The following SPATA33 variants were observed in gnomAD, a reference collection of about 807,000 sequenced individuals.
The protein encoded by SPATA33 is spermatogenesis-associated protein 33.
Under a neutral mutation model 8.9 loss-of-function variants are expected in SPATA33, and 10 were observed. That is an observed-to-expected ratio of 1.12 (90% CI 0.69 to 1.90). The LOEUF (loss-of-function observed/expected upper bound fraction) is 1.90. SPATA33 is among the 40% of genes most tolerant of loss of function. SPATA33 has a pLI of 0.00. For synonymous variants in SPATA33, 96 were observed against 72.8 expected, an observed-to-expected ratio of 1.32 and a Z score of -1.63; for missense variants, 241 against 178.3, an observed-to-expected ratio of 1.35 and a Z score of -2.00.
At position 89,662,429 on chromosome 16, in the gene SPATA33, T is replaced by C. The variant is rs545364802; in HGVS notation, c.211+4008T>C. Among the ~76,000 whole-genome samples, 7 of 152,228 alleles carry C rather than the reference T, an allele frequency of 4.6e-5. No individual in the cohort carries two copies. The East Asian group carries it at 1.3e-3, about 29-fold the overall frequency. On this transcript the variant is annotated intron_variant, in intron 2 of 2. Coordinates refer to ENST00000579310, the MANE Select transcript of SPATA33 (RefSeq NM_001271907.2). ...TTGTGTGTTTGAACACTTTTTTTTT[T>C]TTTTGAAATGGAGTTTCCTTCTTGT...
chr16:89,658,551 G>C (rs896312135), intron 2 of SPATA33, 130 bp downstream of exon 2: 1 of 1,264,352 alleles, frequency 7.9e-7, no homozygotes, highest in Non-Finnish European at 1.1e-6. Context: ...GATGAAACTG[G>C]TTTGTTTTGG....
Position 89,658,366 on chromosome 16 carries a change from C to T in SPATA33, c.156C>T (p.Ser52=), listed in dbSNP as rs376678000. The change falls in exon 2 of 3, where the codon AGC becomes AGT. Residue 52 remains serine, a synonymous_variant. Coordinates refer to ENST00000579310, the MANE Select transcript of SPATA33 (RefSeq NM_001271907.2). ...ADRESEKPVD[S]LHPGAGTAKH... is the part of the protein sequence containing the mutation. ...GGGAGTCGGAGAAGCCTGTGGACAG[C>T]CTCCACCCGGGGGCCGGGACAGCCA... is the stretch of plus-strand genomic sequence containing the variant. The T allele has an allele frequency of 4.9e-5, 79 of 1,613,306 alleles. No individual in the cohort carries two copies. Among genetic ancestry groups the T allele is most frequent in the Non-Finnish European group, 6.5e-5 (77 of 1,179,990 alleles).
intron 2 of SPATA33, 101 bp from the exon 3 acceptor site, chr16:89,669,185 T>C: frequency 9.1e-7 from 1 of 1,101,514 alleles, no homozygotes; most frequent in Non-Finnish European, 1.4e-6. Context: ...CTGCTAACCA[T>C]ACATCTTAAT....
rs752263549 is a variant in SPATA33, at chr16:89,658,327, C to T, written c.117C>T (p.Ala39=). The T allele has an allele frequency of 6.2e-7, 1 of 1,614,066 alleles. No individual in the cohort carries two copies. Among genetic ancestry groups the T allele is most frequent in the Non-Finnish European group, 8.5e-7 (1 of 1,180,036 alleles). The change falls in exon 2 of 3, where the codon GCC becomes GCT. Residue 39 remains alanine (A), a synonymous_variant. Transcript: ENST00000579310. ...EKLMEKHSQE[A]RQADRESEKP... is the part of the protein sequence containing the mutation. ...TGATGGAGAAGCATTCCCAGGAAGCCAGGCAGGCAGACAGGGAGTCGGAGA... is the reference window on the plus strand; with the variant it reads ...TGATGGAGAAGCATTCCCAGGAAGCTAGGCAGGCAGACAGGGAGTCGGAGA...
intron 2 of SPATA33, among the ~76,000 whole-genome samples, chr16:89,665,155 C>T (rs1033769618): frequency 6.6e-6 from 1 of 152,098 alleles, no homozygotes; most frequent in African/African-American, 2.4e-5. Flanking sequence ...CCACCACCCC[C>T]AGCTATTTTT....
chr16:89,668,506 G>T (rs1476257282), intron 2 of SPATA33, among the ~76,000 whole-genome samples: 1 of 152,164 alleles, frequency 6.6e-6, no homozygotes, highest in East Asian at 1.9e-4. Flanking sequence ...GAGAGAGCCA[G>T]CTCCATCCTG....
Position 89,669,575 on chromosome 16 carries a change from G to GC in SPATA33, c.*78_*79insC, listed in dbSNP as rs1389281477. 19 of 1,454,644 alleles carry GC rather than the reference G, an allele frequency of 1.3e-5. No homozygotes were observed. In the East Asian group the frequency reaches 4.3e-4, roughly 33 times the overall value. 90.1% of individuals were successfully genotyped at this position (1,454,644 alleles called of 1,614,324 possible). A position where few individuals can be genotyped will look rare whatever the true frequency, so the allele number is the denominator to read the frequency against. On this transcript the variant is annotated 3_prime_UTR_variant, in exon 3 of 3. Transcript: ENST00000579310. The stretch of plus-strand genomic sequence containing the variant: ...CAGCCGCCTCACCCTGTGAGAAGCC[G>GC]AGGCCCCTTCTCCAGTGCTCTCGGG...
rs556607632 is a variant in SPATA33, at chr16:89,666,806, CTGCCTGGCAGCCAAGGCA to C, written c.212-2479_212-2462del. ...TGTCCACTGGACAGGGGGCCCTTCC[CTGCCTGGCAGCCAAGGCA>C]GAGAGAGAGGAGACAGAGAGACAGC... On this transcript the variant is annotated intron_variant, in intron 2 of 2. Coordinates refer to ENST00000579310, the MANE Select transcript of SPATA33 (RefSeq NM_001271907.2). 1.2e-4 allele frequency among the ~76,000 whole-genome samples: 19 copies of C among 152,336 alleles called. No homozygotes were observed. In the South Asian group the frequency reaches 3.9e-3, roughly 32 times the overall value.
At chr16:89,658,024 G>A (rs757822051) in intron 1 of SPATA33, 76 bp downstream of exon 1, 1 of 1,473,664 alleles carries the variant, frequency 6.8e-7, no homozygotes, top group African/African-American at 1.4e-5. Flanking sequence ...TGGGCTGGGC[G>A]GGGCGGTGTG....
chr16:89,667,453 A>G (rs980535311), intron 2 of SPATA33, among the ~76,000 whole-genome samples: 2 of 152,066 alleles, frequency 1.3e-5, no homozygotes, highest in South Asian at 2.1e-4. Context: ...TTCTTATTTT[A>G]TATATTTTAT....
chr16:89,664,353 C>CCT (rs10665200), intron 2 of SPATA33, among the ~76,000 whole-genome samples: 1 of 152,114 alleles, frequency 6.6e-6, no homozygotes, highest in Non-Finnish European at 1.5e-5. Context: ...TGGCAGGACT[C>CCT]AAGACAGCCC....
rs2060067160 is a variant in SPATA33, at chr16:89,669,353, A to C, written c.279A>C (p.Arg93=). Reference sequence around the variant, plus strand: ...TCGTTCCACAGATCATCATCACGCGAGCGTCGAATGAGACGCTAGTCAGTT... The same window carrying C: ...TCGTTCCACAGATCATCATCACGCGCGCGTCGAATGAGACGCTAGTCAGTT... ...KVVVPQIIIT[R]ASNETLVSCS... is the part of the protein sequence containing the mutation. The change falls in exon 3 of 3, where the codon CGA becomes CGC. Residue 93 remains arginine (R), a synonymous_variant. Transcript: ENST00000579310. The C allele has an allele frequency of 6.2e-7, 1 of 1,614,070 alleles. No individual in the cohort carries two copies. Among genetic ancestry groups the C allele is most frequent in the African/African-American group, 1.3e-5 (1 of 74,916 alleles).
At chr16:89,668,677 G>A (rs917206205) in intron 2 of SPATA33, among the ~76,000 whole-genome samples, 4 of 151,890 alleles carry the variant, frequency 2.6e-5, no homozygotes, top group East Asian at 1.9e-4. Flanking sequence ...GGGGGTGGGC[G>A]GCTGTGCCCG....
At chr16:89,667,249 A>T (rs148855233) in intron 2 of SPATA33, among the ~76,000 whole-genome samples, 1 of 152,134 alleles carries the variant, frequency 6.6e-6, no homozygotes, top group Non-Finnish European at 1.5e-5. Context: ...GGGCATAACA[A>T]AAGGCTCACA....
chr16:89,669,480 T>C lies in SPATA33; in HGVS notation c.406T>C (p.Ser136Pro), dbSNP rs759932985. The C allele has an allele frequency of 1.2e-6, 2 of 1,612,632 alleles. No homozygotes were observed. The highest frequency in any genetic ancestry group is 1.1e-5 in the South Asian group (1 of 91,010). Residue 136 changes from serine (S) to proline (P), a missense_variant, in exon 3 of 3, where the codon TCA becomes CCA. Physicochemically the swap from Ser to Pro is moderately conservative, Grantham distance 74 (BLOSUM62 -1). Coordinates refer to ENST00000579310, the MANE Select transcript of SPATA33 (RefSeq NM_001271907.2). ...RNPSTADAYN[S>P]HLKE ...CCCCAGTACAGCAGACGCCTATAAT[T>C]CACATCTCAAAGAATAAACAAGCAC... is the stretch of plus-strand genomic sequence containing the variant.
At chr16:89,665,941 G>C (rs2060019928) in intron 2 of SPATA33, among the ~76,000 whole-genome samples, 1 of 152,064 alleles carries the variant, frequency 6.6e-6, no homozygotes, top group Non-Finnish European at 1.5e-5. Flanking sequence ...TTAGCTAGGC[G>C]TGGTGATGGG....
At chr16:89,664,828 C>T (rs546308210) in intron 2 of SPATA33, among the ~76,000 whole-genome samples, 1 of 152,324 alleles carries the variant, frequency 6.6e-6, no homozygotes, top group East Asian at 1.9e-4. Flanking sequence ...TGCAGTGCAG[C>T]CGGCCCCTGG....
chr16:89,659,593 G>C (rs1004416838), intron 2 of SPATA33: 1 of 152,282 alleles, frequency 6.6e-6, no homozygotes, highest in Admixed American at 6.5e-5. Context: ...AGAATTGCTC[G>C]AACCTTGAAC....
intron 2 of SPATA33, chr16:89,658,699 G>A (rs2059921461): frequency 2.1e-6 from 1 of 478,218 alleles, no homozygotes; most frequent in Non-Finnish European, 3.8e-6. Flanking sequence ...TCTCACCTGA[G>A]GTTCTCCTCG....
Sources: allele counts gnomAD v4.1 joint callset (sites outside exome capture counted in the v4.1 genomes callset), GRCh38; gene constraint gnomAD v4.1.1; transcripts MANE v1.5; gene names NCBI Gene and HGNC (gene_info 2026-07-23, HGNC 2026-07-21).